Variants in DLG2 observed in about 807,000 individuals in gnomAD.
The protein encoded by DLG2 is discs large MAGUK scaffold protein 2.
In DLG2, 45 loss-of-function variants were observed where a neutral mutation model predicts 132.5. The ratio of observed to expected loss-of-function variants is 0.34; its 90% confidence interval spans 0.27 to 0.44. The LOEUF (loss-of-function observed/expected upper bound fraction) is 0.44. Ranked by LOEUF, DLG2 falls within the 20% of genes least tolerant of loss-of-function variation. The pLI, the probability that DLG2 is intolerant of heterozygous loss-of-function variation, is 1.00. For missense variants in DLG2, 1,045 were observed against 1,196.9 expected (o/e 0.87, Z 1.87); for synonymous variants, 424 against 419.6 (o/e 1.01, Z -0.13).
intron 4 of DLG2, among the ~76,000 whole-genome samples, chr11:85,223,636 G>GT (rs1414668248): frequency 1.3e-5 from 2 of 151,988 alleles, no homozygotes; most frequent in African/African-American, 2.4e-5. Context: ...GAGACCTGCT[G>GT]TTTTTTTGTT....
intron 6 of DLG2, among the ~76,000 whole-genome samples, chr11:84,773,534 G>T (rs915851556): frequency 6.6e-6 from 1 of 152,134 alleles, no homozygotes; most frequent in Non-Finnish European, 1.5e-5. Flanking sequence ...CCAAATGCTA[G>T]CAAACTGAAT....
chr11:84,502,149 C>T (rs1247897028), intron 7 of DLG2, among the ~76,000 whole-genome samples: 1 of 86,924 alleles, frequency 1.2e-5, no homozygotes, highest in Non-Finnish European at 2.1e-5. Flanking sequence ...TTCTTTCCTT[C>T]CTTCCTTCCT....
intron 3 of DLG2, among the ~76,000 whole-genome samples, chr11:85,455,206 C>T (rs1401712817): frequency 2.0e-5 from 3 of 151,940 alleles, no homozygotes; most frequent in Non-Finnish European, 4.4e-5. Context: ...CTTGGAGTAG[C>T]GTTTTGTAAT....
intron 7 of DLG2, among the ~76,000 whole-genome samples, chr11:84,373,280 A>AAAAAAAAAAAAAAAAAAC (rs2098716218): frequency 6.8e-6 from 1 of 147,220 alleles, no homozygotes; most frequent in African/African-American, 2.5e-5. Flanking sequence ...CAAAAAAAAA[A>AAAAAAAAAAAAAAAAAAC]CCCACCAGGC....
At chr11:85,528,640 A>T (rs2074966838) in intron 3 of DLG2, among the ~76,000 whole-genome samples, 1 of 152,194 alleles carries the variant, frequency 6.6e-6, no homozygotes, top group African/African-American at 2.4e-5. Flanking sequence ...TGGCACTCAA[A>T]TGGGTTATGC....
chr11:84,654,568 T>G (rs1232851008), intron 6 of DLG2, among the ~76,000 whole-genome samples: 1 of 152,216 alleles, frequency 6.6e-6, no homozygotes, highest in African/African-American at 2.4e-5. Context: ...ATAGTCACCA[T>G]TTAGTAAGTC....
rs539971435 is a variant in DLG2, at chr11:84,961,763, G to T, written c.357+149898C>A. Among the ~76,000 whole-genome samples, 7 of 152,274 alleles carry T rather than the reference G, an allele frequency of 4.6e-5. No individual in the cohort carries two copies. The South Asian group carries it at 1.5e-3, about 32-fold the overall frequency. The stretch of plus-strand genomic sequence containing the variant: ...CCCAAGCAACTTTCACTTAAAGGCA[G>T]TTTTTCAAGCACTACGCAAATGAAT... On this transcript the variant is annotated intron_variant, in intron 6 of 27. Coordinates refer to ENST00000376104, the MANE Select transcript of DLG2 (RefSeq NM_001142699.3).
intron 7 of DLG2, among the ~76,000 whole-genome samples, chr11:84,385,620 C>A (rs1349445141): frequency 6.6e-6 from 1 of 152,008 alleles, no homozygotes; most frequent in Non-Finnish European, 1.5e-5. Flanking sequence ...GAACCAGGAC[C>A]CTGTTGTAGT....
intron 4 of DLG2, among the ~76,000 whole-genome samples, chr11:85,225,986 CTTA>C (rs1225940444): frequency 1.3e-5 from 2 of 152,114 alleles, no homozygotes. Context: ...CAACCAGACA[CTTA>C]TTGTAGAAAC....
chr11:84,322,694 A>AT (rs2098411420), intron 7 of DLG2, among the ~76,000 whole-genome samples: 2 of 151,992 alleles, frequency 1.3e-5, no homozygotes, highest in Admixed American at 1.3e-4. Flanking sequence ...GGTTCTGGCA[A>AT]TTCTCTTGCC....
chr11:85,208,864 G>A (rs1337906420), intron 4 of DLG2, among the ~76,000 whole-genome samples: 1 of 152,060 alleles, frequency 6.6e-6, no homozygotes, highest in Non-Finnish European at 1.5e-5. Context: ...GGGATAGAAG[G>A]GCTCTCCGGG....
rs570947002 is a variant in DLG2 at position 85,152,302 on chromosome 11, G to A, written c.282+2254C>T. Among the ~76,000 whole-genome samples, 352 of 150,928 alleles carry A rather than the reference G, an allele frequency of 2.3e-3. 3 individuals carry two copies. The highest frequency in any genetic ancestry group is 8.2e-3 in the African/African-American group (337 of 41,080). ...GTCACCCATGCTGGAGTGCAGTGGC[G>A]CTATCTCAGCTCACTACAACCTCCA... On this transcript the variant is annotated intron_variant, in intron 5 of 27. Transcript: ENST00000376104.
At chr11:84,419,208 G>A (rs990798450) in intron 7 of DLG2, among the ~76,000 whole-genome samples, 1 of 152,066 alleles carries the variant, frequency 6.6e-6, no homozygotes, top group African/African-American at 2.4e-5. Flanking sequence ...CAATTTGGTG[G>A]GCTTGTGTAA....
chr11:83,459,793 C>T lies in DLG2; in HGVS notation c.*25G>A, dbSNP rs563324633. 113 of 1,245,084 alleles carry T rather than the reference C, an allele frequency of 9.1e-5. No individual in the cohort carries two copies. The highest frequency in any genetic ancestry group is 7.4e-4 in the South Asian group (62 of 83,468). The allele number at this position is 1,245,084 out of a possible 1,614,324, so 77.1% of individuals were successfully genotyped here. ...TTTGTTCTTCTAAATGCTCTTCTGT[C>T]GTTGTCAGAGGCGCAGTAGCTAATT... On this transcript the variant is annotated 3_prime_UTR_variant, in exon 28 of 28. Coordinates refer to ENST00000376104, the MANE Select transcript of DLG2 (RefSeq NM_001142699.3).
At chr11:84,105,662 T>C (rs903860116) in intron 9 of DLG2, among the ~76,000 whole-genome samples, 7 of 152,154 alleles carry the variant, frequency 4.6e-5, no homozygotes, top group Admixed American at 2.0e-4. Context: ...GGGGTAAAGA[T>C]TAGGTTATAG....
At chr11:83,900,234 T>C (rs1171447018) in intron 15 of DLG2, among the ~76,000 whole-genome samples, 1 of 152,138 alleles carries the variant, frequency 6.6e-6, no homozygotes, top group Admixed American at 6.5e-5. Context: ...GCATAAAAGT[T>C]TGGAAAATTT....
intron 6 of DLG2, among the ~76,000 whole-genome samples, chr11:84,927,733 G>A (rs1056643476): frequency 6.6e-5 from 10 of 151,940 alleles, no homozygotes; most frequent in African/African-American, 2.2e-4. Flanking sequence ...ATATTATGAT[G>A]ATGATTATTT....
chr11:84,282,654 G>T lies in DLG2; in HGVS notation c.520-31363C>A, dbSNP rs1378211896. Among the ~76,000 whole-genome samples, 4 of 151,900 alleles carry T rather than the reference G, an allele frequency of 2.6e-5. No homozygotes were observed. In the South Asian group the frequency reaches 8.3e-4, roughly 32 times the overall value. ...CTGTCTCCTTGAAGAGGGGTTGGGGGAGAAAAAAAAGCTTAGAAAGCAATG... is the reference window on the plus strand; with the variant it reads ...CTGTCTCCTTGAAGAGGGGTTGGGGTAGAAAAAAAAGCTTAGAAAGCAATG... On this transcript the variant is annotated intron_variant, in intron 7 of 27. Transcript: ENST00000376104.
intron 26 of DLG2, among the ~76,000 whole-genome samples, chr11:83,464,291 T>C (rs2090603490): frequency 6.6e-6 from 1 of 152,228 alleles, no homozygotes; most frequent in South Asian, 2.1e-4. Context: ...TAATAAGCTC[T>C]GTGATTTGAT....
Sources: gnomAD v4.1 joint callset for allele counts (sites outside exome capture counted in the v4.1 genomes callset) on GRCh38, gnomAD v4.1.1 for gene constraint, MANE v1.5 for transcripts, NCBI Gene and HGNC (gene_info 2026-07-23, HGNC 2026-07-21) for gene names.